Variants in NELL2 observed in about 807,000 individuals in gnomAD.
NELL2 encodes protein kinase C-binding protein NELL2.
NELL2 carries 41 observed loss-of-function variants against 109.6 expected under a neutral mutation model. The ratio of observed to expected loss-of-function variants is 0.37; its 90% confidence interval spans 0.29 to 0.49. The LOEUF (loss-of-function observed/expected upper bound fraction) is 0.49, where lower values mean the gene tolerates loss of function less well. Among genes scored for constraint, NELL2 ranks in the 20% least tolerant of loss-of-function variants. The probability of loss-of-function intolerance (pLI) is 0.98; values close to 1 mark genes in which losing one functional copy is unlikely to be tolerated. For missense variants in NELL2, 900 were observed against 1,008.3 expected (o/e 0.89, Z 1.45); for synonymous variants, 355 against 344.7 (o/e 1.03, Z -0.33).
At chr12:44,743,269 C>T (rs1940110863) in intron 9 of NELL2, among the ~76,000 whole-genome samples, 1 of 152,098 alleles carries the variant, frequency 6.6e-6, no homozygotes, top group Non-Finnish European at 1.5e-5. Context: ...TTTGTCACCA[C>T]CAGGCCTGCC....
intron 15 of NELL2, among the ~76,000 whole-genome samples, chr12:44,568,508 C>T (rs1565940606): frequency 6.6e-6 from 1 of 151,990 alleles, no homozygotes; most frequent in Non-Finnish European, 1.5e-5. Context: ...TATATTTTTA[C>T]AGTTTATCAT....
chr12:44,905,863 G>T lies in NELL2; in HGVS notation c.38+7936C>A, dbSNP rs549351083. Among the ~76,000 whole-genome samples, 949 of 151,984 alleles carry T rather than the reference G, an allele frequency of 6.2e-3. 11 individuals carry two copies. Among genetic ancestry groups the T allele is most frequent in the African/African-American group, 0.021 (879 of 41,456 alleles). ...TTTAATGAAGGCCTACTATGCAACAGACACTATTAATATATTAATGAAAAA... is the reference window on the plus strand; with the variant it reads ...TTTAATGAAGGCCTACTATGCAACATACACTATTAATATATTAATGAAAAA... On this transcript the variant is annotated intron_variant, in intron 1 of 20. Coordinates refer to the NELL2 transcript ENST00000333837.
intron 9 of NELL2, among the ~76,000 whole-genome samples, chr12:44,735,855 TAAG>T (rs1939610049): frequency 6.6e-6 from 1 of 152,050 alleles, no homozygotes; most frequent in Non-Finnish European, 1.5e-5. Flanking sequence ...TTATGCAAAA[TAAG>T]AAATTCCATT....
At chr12:44,695,680 G>A (rs1949042281) in intron 12 of NELL2, among the ~76,000 whole-genome samples, 1 of 152,062 alleles carries the variant, frequency 6.6e-6, no homozygotes, top group Admixed American at 6.6e-5. Flanking sequence ...TGCTGCCTGG[G>A]TAAATGATTT....
At chr12:44,571,165 T>A (rs974874777) in intron 15 of NELL2, among the ~76,000 whole-genome samples, 3 of 152,158 alleles carry the variant, frequency 2.0e-5, no homozygotes, top group Admixed American at 1.3e-4. Flanking sequence ...ACCATGGAGG[T>A]CAGTCTTTAA....
At chr12:44,704,856 TA>T (rs1362475308) in intron 11 of NELL2, among the ~76,000 whole-genome samples, 1 of 151,822 alleles carries the variant, frequency 6.6e-6, no homozygotes, top group Non-Finnish European at 1.5e-5. Context: ...CCGTCTGTAC[TA>T]AAAATATAAA....
chr12:44,586,456 T>A (rs961098526), intron 15 of NELL2, among the ~76,000 whole-genome samples: 1 of 151,912 alleles, frequency 6.6e-6, no homozygotes, highest in Non-Finnish European at 1.5e-5. Flanking sequence ...ATAACTTTTT[T>A]AACAATGAAC....
At position 44,509,204 on chromosome 12, in the gene NELL2, T is replaced by C. The variant is rs79063756; in HGVS notation, c.2401-220A>G. On this transcript the variant is annotated intron_variant, in intron 19 of 19. Transcript: ENST00000429094. Reference sequence around the variant, plus strand: ...GTCATAAACTGGCTTTATTTACTCATTGGCATCCTCTGTATCACATTTGTT... The same window carrying C: ...GTCATAAACTGGCTTTATTTACTCACTGGCATCCTCTGTATCACATTTGTT... Among the ~76,000 whole-genome samples the C allele has an allele frequency of 6.7e-3, 1,021 of 152,294 alleles. 12 individuals carry two copies. Among genetic ancestry groups the C allele is most frequent in the African/African-American group, 0.023 (956 of 41,560 alleles).
At chr12:44,689,420 G>A (rs1948832887) in intron 12 of NELL2, among the ~76,000 whole-genome samples, 1 of 152,052 alleles carries the variant, frequency 6.6e-6, no homozygotes, top group Non-Finnish European at 1.5e-5. Flanking sequence ...TAGCCCATAG[G>A]TTCTTCAGTA....
intron 2 of NELL2, among the ~76,000 whole-genome samples, chr12:44,849,501 A>G (rs1944469784): frequency 6.6e-6 from 1 of 152,200 alleles, no homozygotes; most frequent in Non-Finnish European, 1.5e-5. Context: ...CAAATCAAAA[A>G]GACTGCAAGA....
At chr12:44,713,177 TACACACACACACACACACACAC>T (rs35017907) in intron 10 of NELL2, among the ~76,000 whole-genome samples, 19 of 142,014 alleles carry the variant, frequency 1.3e-4, no homozygotes, top group African/African-American at 4.7e-4. Context: ...ATGAATAGGA[TACACACACACACACACACACAC>T]ACACACACAC....
At chr12:44,888,527 G>C (rs1389882028) in intron 1 of NELL2, among the ~76,000 whole-genome samples, 1 of 151,160 alleles carries the variant, frequency 6.6e-6, no homozygotes, top group Non-Finnish European at 1.5e-5. Context: ...AATGATTAGA[G>C]ACTATAATGA....
chr12:44,796,281 T>G (rs1942617732), intron 3 of NELL2, among the ~76,000 whole-genome samples: 2 of 152,110 alleles, frequency 1.3e-5, no homozygotes, highest in Admixed American at 1.3e-4. Context: ...GGTTTTAACT[T>G]AACTAAGTAT....
intron 1 of NELL2, among the ~76,000 whole-genome samples, chr12:44,894,523 G>A (rs1003520127): frequency 2.6e-5 from 4 of 152,084 alleles, no homozygotes; most frequent in Non-Finnish European, 5.9e-5. Context: ...TCATGATTAC[G>A]TTTATATTAT....
chr12:44,808,517 T>C (rs921437376), intron 3 of NELL2, among the ~76,000 whole-genome samples: 13 of 151,940 alleles, frequency 8.6e-5, no homozygotes, highest in African/African-American at 2.7e-4. Context: ...GAAAATAAAA[T>C]CTAAGTAAAG....
intron 1 of NELL2, among the ~76,000 whole-genome samples, chr12:44,905,143 T>C (rs1156875221): frequency 6.6e-6 from 1 of 152,124 alleles, no homozygotes; most frequent in African/African-American, 2.4e-5. Flanking sequence ...TTGAGCATCA[T>C]GTCAGTGCTT....
intron 2 of NELL2, among the ~76,000 whole-genome samples, chr12:44,846,434 AAG>A (rs1212997876): frequency 6.6e-6 from 1 of 152,166 alleles, no homozygotes; most frequent in Non-Finnish European, 1.5e-5. Context: ...AAACCCTGCT[AAG>A]AGAGTCCTCC....
chr12:44,920,354 T>A (rs1945859894), intron 1 of NELL2, among the ~76,000 whole-genome samples: 1 of 152,192 alleles, frequency 6.6e-6, no homozygotes, highest in Non-Finnish European at 1.5e-5. Context: ...GCATATTTAA[T>A]CATTACTTTT....
At chr12:44,887,539 A>G (rs1195909158) in intron 1 of NELL2, among the ~76,000 whole-genome samples, 1 of 151,698 alleles carries the variant, frequency 6.6e-6, no homozygotes, top group Non-Finnish European at 1.5e-5. Context: ...CATTTTTTTC[A>G]TATACCTATT....
Sources: allele counts gnomAD v4.1 joint callset (sites outside exome capture counted in the v4.1 genomes callset), GRCh38; gene constraint gnomAD v4.1.1; transcripts MANE v1.5; gene names NCBI Gene and HGNC (gene_info 2026-07-23, HGNC 2026-07-21).